Variants in PARP6 observed in about 807,000 individuals in gnomAD.
PARP6 encodes the protein protein mono-ADP-ribosyltransferase PARP6.
Under a neutral mutation model 92.0 loss-of-function variants are expected in PARP6, and 27 were observed. That is an observed-to-expected ratio of 0.29 (90% CI 0.22 to 0.40). The LOEUF is 0.40. PARP6 is among the 10% of genes least tolerant of loss of function. The pLI is 1.00. For synonymous variants in PARP6, 272 were observed against 281.2 expected (o/e 0.97, Z 0.33); for missense variants, 501 against 784.5 (o/e 0.64, Z 4.32).
chr15:72,260,608 A>G lies in PARP6; in HGVS notation c.626T>C (p.Met209Thr), dbSNP rs375322323. 3 of 1,614,056 alleles carry G rather than the reference A, an allele frequency of 1.9e-6. No individual in the cohort carries two copies. The highest frequency in any genetic ancestry group is 2.5e-6 in the Non-Finnish European group (3 of 1,180,034). ...CATGGTACAGGAGATGGAACGGTTC[A>G]TGAGGCGCCCAACCCGAAGCTCTGG... ...GVPELRVGRL[M>T]NRSISCTMKN... The change falls in exon 10 of 24, where the codon ATG becomes ACG. Residue 209 changes from methionine to threonine, a missense_variant. By Grantham distance (81) the Met-to-Thr change is moderately conservative. This residue lies in a region of PARP6 where 291 missense variants were observed against 352.0 expected (regional missense o/e 0.83). Coordinates refer to ENST00000569795, the MANE Select transcript of PARP6 (RefSeq NM_001323532.2).
chr15:72,266,080 G>A (rs1041511903), intron 4 of PARP6, 89 bp from the exon 5 acceptor site: 7 of 908,724 alleles, frequency 7.7e-6, no homozygotes, highest in Non-Finnish European at 8.9e-6. Context: ...AAAGACACCA[G>A]GAACAGGAGA....
Position 72,242,235 on chromosome 15 carries a change from G to A in PARP6, c.1642-15C>T. 1 of 1,612,470 alleles carries A rather than the reference G, an allele frequency of 6.2e-7. No individual in the cohort carries two copies. Among genetic ancestry groups the A allele is most frequent in the Non-Finnish European group, 8.5e-7 (1 of 1,178,506 alleles). On this transcript the variant is annotated splice_polypyrimidine_tract_variant and intron_variant, in intron 21 of 23. Transcript: ENST00000569795. This position sits in a 1 kb window ranked among gnomAD's most constrained non-coding sequence, Gnocchi z 4.3. ...ATGGATCGGGTCTGGAAGAGAAGGA[G>A]GCAAAGGAGACCAGAGCCAGGTAGA...
chr15:72,257,471 G>A (rs780358599), intron 12 of PARP6, 31 bp from the exon 13 acceptor site: 1 of 1,557,508 alleles, frequency 6.4e-7, no homozygotes, highest in Admixed American at 1.7e-5. Context: ...GATGGTGGTG[G>A]GATGGGGTGT....
intron 16 of PARP6, 121 bp downstream of exon 16, chr15:72,253,316 C>T (rs1035448696): frequency 1.7e-6 from 1 of 590,380 alleles, no homozygotes; most frequent in Non-Finnish European, 2.9e-6. Context: ...AAAAAGCACC[C>T]ATTACTGCCT....
chr15:72,270,629 G>A (rs1485357324), intron 2 of PARP6, among the ~76,000 whole-genome samples: 3 of 151,972 alleles, frequency 2.0e-5, no homozygotes, highest in Non-Finnish European at 4.4e-5. Flanking sequence ...CCCCTTTCTT[G>A]GAATGCTTTC....
intron 15 of PARP6, 120 bp from the exon 16 acceptor site, chr15:72,253,624 G>T: frequency 1.3e-6 from 1 of 777,400 alleles, no homozygotes; most frequent in Non-Finnish European, 2.2e-6. Context: ...CCACACAGAG[G>T]AAAAAGGAGA....
intron 18 of PARP6, 79 bp downstream of exon 18, chr15:72,250,766 A>C: frequency 1.3e-6 from 1 of 758,698 alleles, no homozygotes; most frequent in Non-Finnish European, 2.3e-6. Context: ...ATGTAACACA[A>C]ACTCATATCT....
At chr15:72,243,575 CCTTA>C (rs1379934127) in intron 20 of PARP6, 1 of 152,218 alleles carries the variant, frequency 6.6e-6, no homozygotes, top group Non-Finnish European at 1.5e-5. Context: ...TCTCTACCTT[CCTTA>C]CCCGTTTATA....
chr15:72,265,835 G>C, intron 5 of PARP6, 62 bp downstream of exon 5: 1 of 1,097,908 alleles, frequency 9.1e-7, no homozygotes, highest in Non-Finnish European at 1.4e-6. Flanking sequence ...AAAACCTCTA[G>C]CCTTTTAACA....
intron 14 of PARP6, among the ~76,000 whole-genome samples, chr15:72,255,143 G>C (rs185452368): frequency 6.6e-6 from 1 of 152,252 alleles, no homozygotes; most frequent in Non-Finnish European, 1.5e-5. Flanking sequence ...GCTTGAATTG[G>C]ATTATCAGTC....
At chr15:72,259,467 A>G (rs372970403) in intron 11 of PARP6, 141 bp downstream of exon 11, 5 of 707,406 alleles carry the variant, frequency 7.1e-6, no homozygotes, top group South Asian at 1.7e-5. Flanking sequence ...AGATGGGAAC[A>G]ATGCCTTCTT....
In PARP6 at chr15:72,257,996, G is replaced by A. The variant is rs765010625; in HGVS notation, c.906+41C>T. On this transcript the variant is annotated intron_variant, in intron 12 of 23. Coordinates refer to ENST00000569795, the MANE Select transcript of PARP6 (RefSeq NM_001323532.2). ...GGAAATAAAGGAGAGGAGTGAAGGG[G>A]ACCTGGTTAAGGAAGAGGGTCATAG... is the stretch of plus-strand genomic sequence containing the variant. 1.8e-5 allele frequency: 25 copies of A among 1,362,998 alleles called. No homozygotes were observed. In the Middle Eastern group the frequency reaches 7.1e-4, roughly 39 times the overall value. The allele number at this position is 1,362,998 out of a possible 1,614,324, so 84.4% of individuals were successfully genotyped here.
At position 72,265,067 on chromosome 15, in the gene PARP6, G is replaced by A. The variant is rs1200339129; in HGVS notation, c.328+14C>T. On this transcript the variant is annotated intron_variant, in intron 7 of 23. Coordinates refer to ENST00000569795, the MANE Select transcript of PARP6 (RefSeq NM_001323532.2). ...CACTCAGACCACCCACTTGCCCAAA[G>A]TCACTGCCTTTACCTGGTCCATCTA... The A allele has an allele frequency of 6.9e-6, 11 of 1,588,468 alleles. No homozygotes were observed. The South Asian group carries it at 1.2e-4, about 18-fold the overall frequency.
intron 20 of PARP6, 125 bp downstream of exon 20, chr15:72,249,120 T>C (rs774049582): frequency 1.4e-5 from 7 of 487,160 alleles, no homozygotes; most frequent in Admixed American, 3.4e-5. Context: ...TATGTATCCA[T>C]GATCGGGGAG....
intron 11 of PARP6, 32 bp downstream of exon 11, chr15:72,259,576 G>C: frequency 1.2e-6 from 2 of 1,605,306 alleles, no homozygotes; most frequent in Admixed American, 1.7e-5. Context: ...CAACAGGGAA[G>C]GGCTTCGGAG....
chr15:72,246,923 T>C (rs1462966078), intron 20 of PARP6, among the ~76,000 whole-genome samples: 1 of 151,718 alleles, frequency 6.6e-6, no homozygotes, highest in Non-Finnish European at 1.5e-5. Flanking sequence ...CCTGGCTAAT[T>C]TTCTTTGTAT....
chr15:72,270,978 G>C (rs917716520), intron 2 of PARP6, 45 bp downstream of exon 2: 2 of 152,244 alleles, frequency 1.3e-5, no homozygotes, highest in Admixed American at 6.5e-5. Context: ...TCTACACATA[G>C]ACAAAAATCA....
chr15:72,265,886 T>TA lies in PARP6; in HGVS notation c.176+10dup, dbSNP rs1199686870. ...ACTTGCTCCCCTGCCACCCCTGAAG[T>TA]AGAGTCCCACCTGATGGATACAGAG... is the stretch of plus-strand genomic sequence containing the variant. On this transcript the variant is annotated intron_variant, in intron 5 of 23. Transcript: ENST00000569795. The TA allele has an allele frequency of 1.3e-6, 2 of 1,587,630 alleles. No homozygotes were observed. Among genetic ancestry groups the TA allele is most frequent in the East Asian group, 2.2e-5 (1 of 44,786 alleles).
intron 20 of PARP6, among the ~76,000 whole-genome samples, chr15:72,246,160 G>GT (rs1160272808): frequency 1.3e-5 from 2 of 152,188 alleles, no homozygotes; most frequent in Admixed American, 6.5e-5. Context: ...GTTTTGTTTT[G>GT]TTTTTTTGAG....
Sources: allele counts gnomAD v4.1 joint callset (sites outside exome capture counted in the v4.1 genomes callset), GRCh38; gene constraint gnomAD v4.1.1; regional missense constraint gnomAD v4.1.1; non-coding constraint Gnocchi (gnomAD v3.1); transcripts MANE v1.5; gene names NCBI Gene and HGNC (gene_info 2026-07-23, HGNC 2026-07-21).